Variants in BTBD9 observed in about 807,000 individuals in gnomAD.
The protein encoded by BTBD9 is BTB/POZ domain-containing protein 9.
In BTBD9, 49 loss-of-function variants were observed where a neutral mutation model predicts 64.3. That is an observed-to-expected ratio of 0.76 (90% confidence interval 0.61 to 0.97). BTBD9 has a LOEUF of 0.97. Ranked by LOEUF, BTBD9 falls within the 50% of genes least tolerant of loss-of-function variation. The pLI, the probability that BTBD9 is intolerant of heterozygous loss-of-function variation, is 0.00. For missense variants in BTBD9, 598 were observed against 762.1 expected, an observed-to-expected ratio of 0.78 and a Z score of 2.53; for synonymous variants, 260 against 274.7, an observed-to-expected ratio of 0.95 and a Z score of 0.53.
At chr6:38,634,278 G>A (rs1778458704) in intron 1 of BTBD9, among the ~76,000 whole-genome samples, 1 of 152,166 alleles carries the variant, frequency 6.6e-6, no homozygotes, top group Non-Finnish European at 1.5e-5. Context: ...TAACATGTGT[G>A]CTATATGCCA....
rs561364888 is a variant in BTBD9 at position 38,556,621 on chromosome 6, C to G, written c.1154+20979G>C. Among the ~76,000 whole-genome samples, 4 of 148,356 alleles carry G rather than the reference C, an allele frequency of 2.7e-5. No homozygotes were observed. The East Asian group carries it at 5.9e-4, about 22-fold the overall frequency. The stretch of plus-strand genomic sequence containing the variant: ...AAGTTATTACTTCAGAATCCAAAGT[C>G]CAAAATAAAACATTTTTTTTTAATC... On this transcript the variant is annotated intron_variant, in intron 6 of 10. Transcript: ENST00000481247.
intron 4 of BTBD9, among the ~76,000 whole-genome samples, chr6:38,581,553 C>T (rs1246004867): frequency 6.6e-6 from 1 of 152,128 alleles, no homozygotes; most frequent in East Asian, 1.9e-4. Flanking sequence ...TGAAGTCCTC[C>T]GTGTAAATTA....
chr6:38,345,622 T>C (rs1311218601), intron 6 of BTBD9, among the ~76,000 whole-genome samples: 1 of 152,232 alleles, frequency 6.6e-6, no homozygotes, highest in Non-Finnish European at 1.5e-5. Flanking sequence ...TTACTACTGC[T>C]CCTAAATCTT....
At chr6:38,198,977 T>TGCAC (rs1762363496) in intron 9 of BTBD9, among the ~76,000 whole-genome samples, 1 of 152,164 alleles carries the variant, frequency 6.6e-6, no homozygotes, top group African/African-American at 2.4e-5. Context: ...AGTCACCAGC[T>TGCAC]ACCTTTGAAG....
intron 6 of BTBD9, among the ~76,000 whole-genome samples, chr6:38,372,066 C>CTCCCAGG (rs1435394656): frequency 6.6e-6 from 1 of 152,184 alleles, no homozygotes; most frequent in Non-Finnish European, 1.5e-5. Context: ...CCCACCACTC[C>CTCCCAGG]TCCCAGGTCC....
At chr6:38,375,378 G>A (rs968910472) in intron 6 of BTBD9, among the ~76,000 whole-genome samples, 1 of 152,174 alleles carries the variant, frequency 6.6e-6, no homozygotes, top group African/African-American at 2.4e-5. Flanking sequence ...ATTGTGTGAG[G>A]GGCTTGGCAT....
intron 6 of BTBD9, among the ~76,000 whole-genome samples, chr6:38,391,445 T>C (rs1470674004): frequency 6.6e-6 from 1 of 152,150 alleles, no homozygotes; most frequent in Non-Finnish European, 1.5e-5. Flanking sequence ...ATAATGAAGG[T>C]CATACCTGAA....
intron 9 of BTBD9, among the ~76,000 whole-genome samples, chr6:38,226,464 G>A (rs563592464): frequency 7.2e-5 from 11 of 152,264 alleles, no homozygotes; most frequent in Non-Finnish European, 1.5e-4. Flanking sequence ...CTTGGATGGC[G>A]TGCAGCAGCC....
chr6:38,600,377 C>T lies in BTBD9; in HGVS notation c.-27-2256G>A, dbSNP rs115964253. ...GGCCTACCCCGTGATCAAGGACTGACGTCAGGGACTGACTGTACCCTAGGC... is the reference window on the plus strand; with the variant it reads ...GGCCTACCCCGTGATCAAGGACTGATGTCAGGGACTGACTGTACCCTAGGC... On this transcript the variant is annotated intron_variant, in intron 1 of 10. Coordinates refer to ENST00000481247, the MANE Select transcript of BTBD9 (RefSeq NM_001099272.2). 4.2e-3 allele frequency among the ~76,000 whole-genome samples: 641 copies of T among 152,340 alleles called. 9 individuals carry two copies. The highest frequency in any genetic ancestry group is 0.015 in the African/African-American group (606 of 41,572).
intron 2 of BTBD9, among the ~76,000 whole-genome samples, chr6:38,597,058 A>G (rs1777061988): frequency 6.6e-6 from 1 of 152,166 alleles, no homozygotes; most frequent in Non-Finnish European, 1.5e-5. Flanking sequence ...CATGTGTAAG[A>G]TTGGAAGTTC....
At chr6:38,270,373 C>T in intron 8 of BTBD9, among the ~76,000 whole-genome samples, 1 of 152,000 alleles carries the variant, frequency 6.6e-6, no homozygotes, top group East Asian at 1.9e-4. Context: ...CCCTGACTCC[C>T]ATTCAGGAAG....
chr6:38,639,287 C>T (rs1778639527), intron 1 of BTBD9, among the ~76,000 whole-genome samples: 1 of 152,186 alleles, frequency 6.6e-6, no homozygotes, highest in South Asian at 2.1e-4. Context: ...ACAGGTCGCC[C>T]TCCCAAGGTC....
intron 6 of BTBD9, among the ~76,000 whole-genome samples, chr6:38,515,963 T>C (rs1773005371): frequency 6.6e-6 from 1 of 152,220 alleles, no homozygotes; most frequent in South Asian, 2.1e-4. Flanking sequence ...AGTCACTCTG[T>C]ACAGAGACTG....
At chr6:38,254,508 G>A (rs1306780982) in intron 9 of BTBD9, among the ~76,000 whole-genome samples, 1 of 152,048 alleles carries the variant, frequency 6.6e-6, no homozygotes, top group Admixed American at 6.5e-5. Context: ...ACAGTGGCAT[G>A]CAGCTATAGT....
chr6:38,592,221 A>C (rs750177225), intron 4 of BTBD9, among the ~76,000 whole-genome samples: 2 of 152,074 alleles, frequency 1.3e-5, no homozygotes, highest in African/African-American at 2.4e-5. Context: ...TGGTACCCAA[A>C]ATAATAAGTA....
At chr6:38,412,999 C>T (rs189855718) in intron 6 of BTBD9, among the ~76,000 whole-genome samples, 4 of 152,296 alleles carry the variant, frequency 2.6e-5, no homozygotes, top group Admixed American at 1.3e-4. Flanking sequence ...CTTAACGGAA[C>T]TGTTCAATGT....
intron 10 of BTBD9, among the ~76,000 whole-genome samples, chr6:38,178,703 A>G (rs1761395697): frequency 7.0e-6 from 1 of 143,444 alleles, no homozygotes. Flanking sequence ...TCTCAAGCCA[A>G]AGGGTGGCAA....
At chr6:38,390,628 G>A (rs1298645966) in intron 6 of BTBD9, among the ~76,000 whole-genome samples, 1 of 152,124 alleles carries the variant, frequency 6.6e-6, no homozygotes, top group East Asian at 1.9e-4. Flanking sequence ...TGGATGCCTA[G>A]ACAATACCCC....
At chr6:38,285,120 A>G (rs1301534482) in intron 8 of BTBD9, among the ~76,000 whole-genome samples, 2 of 152,074 alleles carry the variant, frequency 1.3e-5, no homozygotes, top group African/African-American at 4.8e-5. Context: ...TTCCTCTGAG[A>G]GAAGGGTGTG....
Sources: allele counts gnomAD v4.1 joint callset (sites outside exome capture counted in the v4.1 genomes callset), GRCh38; gene constraint gnomAD v4.1.1; transcripts MANE v1.5; gene names NCBI Gene and HGNC (gene_info 2026-07-23, HGNC 2026-07-21).